Variants in CDH12 observed in about 807,000 individuals in gnomAD.
CDH12 encodes cadherin-12.
A neutral mutation model predicts 74.1 loss-of-function variants in CDH12; 41 were observed. The observed-to-expected ratio is 0.55, with a 90% CI of 0.43 to 0.72. The LOEUF (loss-of-function observed/expected upper bound fraction) is 0.72, where lower values mean the gene tolerates loss of function less well. Among genes scored for constraint, CDH12 ranks in the 30% least tolerant of loss-of-function variants. The pLI, the probability that CDH12 is intolerant of heterozygous loss-of-function variation, is 0.00. For synonymous variants in CDH12, 399 were observed against 355.0 expected (o/e 1.12, Z -1.39); for missense variants, 945 against 977.2 (o/e 0.97, Z 0.44).
At chr5:22,681,928 C>G (rs888171434) in intron 1 of CDH12, among the ~76,000 whole-genome samples, 3 of 151,656 alleles carry the variant, frequency 2.0e-5, no homozygotes, top group African/African-American at 7.3e-5. Context: ...CTGTATCTGA[C>G]AGTATGACAT....
At chr5:22,461,794 GT>G (rs5866565) in intron 2 of CDH12, among the ~76,000 whole-genome samples, 6 of 148,320 alleles carry the variant, frequency 4.0e-5, no homozygotes, top group Non-Finnish European at 7.5e-5. Context: ...TAATTTTCAT[GT>G]TTTTTTTTCA....
At chr5:22,541,271 G>C (rs1293676534) in intron 1 of CDH12, among the ~76,000 whole-genome samples, 2 of 152,156 alleles carry the variant, frequency 1.3e-5, no homozygotes, top group Non-Finnish European at 2.9e-5. Flanking sequence ...CTGCTGCAGG[G>C]CTTTGGCAGT....
At chr5:22,306,284 G>A (rs1738108574) in intron 3 of CDH12, among the ~76,000 whole-genome samples, 1 of 152,028 alleles carries the variant, frequency 6.6e-6, no homozygotes. Flanking sequence ...TTCTAGTGAA[G>A]TGCCTGGTAC....
chr5:21,902,123 C>G lies in CDH12; in HGVS notation c.527-47333G>C, dbSNP rs143057940. Among the ~76,000 whole-genome samples, 348 of 152,076 alleles carry G rather than the reference C, an allele frequency of 2.3e-3. 1 individual carries two copies. Among genetic ancestry groups the G allele is most frequent in the African/African-American group, 8.1e-3 (336 of 41,518 alleles). Reference sequence around the variant, plus strand: ...ATTATTCAATTCTATCTTTATTCTGCTGCCTTCTGTAGGATCTATCTTAGA... The same window carrying G: ...ATTATTCAATTCTATCTTTATTCTGGTGCCTTCTGTAGGATCTATCTTAGA... On this transcript the variant is annotated intron_variant, in intron 6 of 14. Coordinates refer to ENST00000382254, the MANE Select transcript of CDH12 (RefSeq NM_004061.5).
chr5:22,217,575 T>C (rs543958121), intron 3 of CDH12, among the ~76,000 whole-genome samples: 28 of 151,806 alleles, frequency 1.8e-4, no homozygotes, highest in African/African-American at 6.3e-4. Flanking sequence ...TTTTGTATCT[T>C]TGAGGTATGA....
At chr5:22,027,823 G>C (rs1738481906) in intron 5 of CDH12, among the ~76,000 whole-genome samples, 1 of 151,918 alleles carries the variant, frequency 6.6e-6, no homozygotes, top group Non-Finnish European at 1.5e-5. Context: ...CTTCAGTTCT[G>C]CTCTGATTTT....
intron 6 of CDH12, among the ~76,000 whole-genome samples, chr5:21,888,530 T>G (rs976101918): frequency 1.3e-4 from 20 of 152,132 alleles, no homozygotes; most frequent in Admixed American, 2.0e-4. Context: ...ACATGGTACA[T>G]GTATACATAT....
At chr5:22,095,222 T>A (rs371680741) in intron 4 of CDH12, among the ~76,000 whole-genome samples, 2 of 152,294 alleles carry the variant, frequency 1.3e-5, no homozygotes, top group Middle Eastern at 3.4e-3. Context: ...AAGTGGCCTC[T>A]TCTCACTTCT....
At chr5:21,839,439 T>C (rs1749717695) in intron 8 of CDH12, among the ~76,000 whole-genome samples, 1 of 152,164 alleles carries the variant, frequency 6.6e-6, no homozygotes, top group African/African-American at 2.4e-5. Flanking sequence ...TGTTTTTAAA[T>C]GTGTATACTT....
intron 3 of CDH12, among the ~76,000 whole-genome samples, chr5:22,322,691 G>A (rs1434656834): frequency 6.6e-6 from 1 of 152,070 alleles, no homozygotes; most frequent in Non-Finnish European, 1.5e-5. Context: ...TTTTGTGTCT[G>A]CTATATTTTG....
chr5:22,317,796 A>G (rs948640733), intron 3 of CDH12, among the ~76,000 whole-genome samples: 2 of 152,190 alleles, frequency 1.3e-5, no homozygotes, highest in African/African-American at 4.8e-5. Flanking sequence ...TCTTGATGCC[A>G]AGTGACATGA....
At chr5:22,436,287 GA>G (rs1744386985) in intron 2 of CDH12, among the ~76,000 whole-genome samples, 1 of 17,862 alleles carries the variant, frequency 5.6e-5, no homozygotes, top group African/African-American at 1.9e-4. Flanking sequence ...GGGGAGGGGG[GA>G]GGGGGGAGGG....
chr5:22,389,151 G>A (rs953434533), intron 3 of CDH12, among the ~76,000 whole-genome samples: 2 of 152,102 alleles, frequency 1.3e-5, no homozygotes, highest in African/African-American at 4.8e-5. Context: ...TGTCTTCCTA[G>A]GTGGCTATCA....
intron 5 of CDH12, among the ~76,000 whole-genome samples, chr5:21,982,495 A>G (rs528230149): frequency 1.3e-5 from 2 of 151,812 alleles, no homozygotes; most frequent in African/African-American, 4.8e-5. Context: ...ATATATCTAT[A>G]TAGATATCTA....
intron 7 of CDH12, among the ~76,000 whole-genome samples, chr5:21,853,670 A>C: frequency 6.6e-6 from 1 of 151,794 alleles, no homozygotes; most frequent in East Asian, 1.9e-4. Context: ...ATTTTTACAC[A>C]TACCTCTCAG....
At chr5:22,733,640 A>T (rs1335465096) in intron 1 of CDH12, among the ~76,000 whole-genome samples, 1 of 151,898 alleles carries the variant, frequency 6.6e-6, no homozygotes, top group Non-Finnish European at 1.5e-5. Flanking sequence ...TTCTTCCCTC[A>T]TAAGCCCAAG....
At chr5:22,636,907 T>C (rs1165281496) in intron 1 of CDH12, among the ~76,000 whole-genome samples, 1 of 152,218 alleles carries the variant, frequency 6.6e-6, no homozygotes, top group Non-Finnish European at 1.5e-5. Context: ...ACAAGTTGTA[T>C]ACAGGGGAAC....
intron 1 of CDH12, among the ~76,000 whole-genome samples, chr5:22,714,938 G>A (rs366310): frequency 0.27 from 41,380 of 152,004 alleles, 5,753 homozygotes; most frequent in South Asian, 0.31. Flanking sequence ...GGTGCATCTC[G>A]CAGAACGTCT....
chr5:21,963,112 TAGATAGATAGATAG>T (rs1756434394), intron 6 of CDH12, among the ~76,000 whole-genome samples: 1 of 151,560 alleles, frequency 6.6e-6, no homozygotes, highest in Admixed American at 6.6e-5. Flanking sequence ...GATAGATAGA[TAGATAGATAGATAG>T]AGAGATGATA....
Sources: gnomAD v4.1 joint callset for allele counts (sites outside exome capture counted in the v4.1 genomes callset) on GRCh38, gnomAD v4.1.1 for gene constraint, MANE v1.5 for transcripts, NCBI Gene and HGNC (gene_info 2026-07-23, HGNC 2026-07-21) for gene names.